CSNK1G1: variants seen among roughly 807,000 people sequenced by gnomAD.
CSNK1G1 encodes the protein casein kinase 1 gamma 1, also known as casein kinase I isoform gamma-1.
Under a neutral mutation model 59.6 loss-of-function variants are expected in CSNK1G1, and 22 were observed. That is an observed-to-expected ratio of 0.37 (90% CI 0.26 to 0.53). CSNK1G1 has a LOEUF of 0.53. Among genes scored for constraint, CSNK1G1 ranks in the 20% least tolerant of loss-of-function variants. The pLI, the probability that CSNK1G1 is intolerant of heterozygous loss-of-function variation, is 0.89. For synonymous variants in CSNK1G1, 179 were observed against 177.1 expected (o/e 1.01, Z -0.08); for missense variants, 384 against 519.5 (o/e 0.74, Z 2.54).
In CSNK1G1 at chr15:64,315,555, T is replaced by C. The variant is rs899078169; in HGVS notation, c.-224-14832A>G. 10 of 152,356 alleles carry C rather than the reference T, an allele frequency of 6.6e-5. No homozygotes were observed. In the East Asian group the frequency reaches 1.7e-3, roughly 26 times the overall value. The allele number at this position is 152,356 out of a possible 1,614,324, so 9.4% of individuals were successfully genotyped here. A position where few individuals can be genotyped will look rare whatever the true frequency, so the allele number is the denominator to read the frequency against. On this transcript the variant is annotated intron_variant, in intron 1 of 11. Transcript: ENST00000303052. ...TTACTTGCCTTAGTAAAGGCAATTA[T>C]TCCTTTTCAAAAAGGACGCTGAGCC...
chr15:64,229,418 GAA>G (rs1405530754), intron 4 of CSNK1G1, among the ~76,000 whole-genome samples: 1 of 152,194 alleles, frequency 6.6e-6, no homozygotes, highest in Non-Finnish European at 1.5e-5. Context: ...GCCTGCCTGG[GAA>G]AACTGGCTCA....
At chr15:64,314,205 C>T (rs1236955967) in intron 1 of CSNK1G1, among the ~76,000 whole-genome samples, 1 of 152,144 alleles carries the variant, frequency 6.6e-6, no homozygotes. Context: ...CAGCCTTGAA[C>T]ACATGGGTTC....
chr15:64,251,803 A>G (rs1892100631), intron 3 of CSNK1G1, among the ~76,000 whole-genome samples: 1 of 152,220 alleles, frequency 6.6e-6, no homozygotes, highest in South Asian at 2.1e-4. Context: ...ATAAAAATAG[A>G]CTTTGCATGA....
chr15:64,167,982 G>A lies in CSNK1G1; in HGVS notation c.*3949C>T, dbSNP rs766177340. On this transcript the variant is annotated 3_prime_UTR_variant, in exon 12 of 12. Transcript: ENST00000303052. The stretch of plus-strand genomic sequence containing the variant: ...TTTCTGGCATTAAAAGTGGTTACTA[G>A]CACTGAAAATCAACACTGAATATGC... The A allele has an allele frequency of 6.6e-6, 1 of 152,224 alleles. No homozygotes were observed. Among genetic ancestry groups the A allele is most frequent in the Non-Finnish European group, 1.5e-5 (1 of 68,042 alleles). The allele number at this position is 152,224 out of a possible 1,614,324, so 9.4% of individuals were successfully genotyped here.
intron 4 of CSNK1G1, among the ~76,000 whole-genome samples, chr15:64,219,125 G>A (rs1278353801): frequency 1.3e-5 from 2 of 152,158 alleles, no homozygotes; most frequent in African/African-American, 2.4e-5. Flanking sequence ...GAAGTGCTGG[G>A]ATTACAGGCG....
At chr15:64,294,286 C>T (rs1333439666) in intron 2 of CSNK1G1, among the ~76,000 whole-genome samples, 2 of 152,072 alleles carry the variant, frequency 1.3e-5, no homozygotes, top group Non-Finnish European at 2.9e-5. Flanking sequence ...GTTGGCCAGG[C>T]TGGTCTCAAA....
At chr15:64,296,975 G>A (rs916030928) in intron 2 of CSNK1G1, among the ~76,000 whole-genome samples, 2 of 120,644 alleles carry the variant, frequency 1.7e-5, no homozygotes, top group South Asian at 2.6e-4. Flanking sequence ...GTTTGGAACC[G>A]ATAGGTCTAC....
rs1250495833 is a variant in CSNK1G1, at chr15:64,204,261, A to AAC, written c.999+178_999+179dup. Reference sequence around the variant, plus strand: ...TAGGAAAAAATACTTCCTACTTCTGAACTAGTAAGAGCAACCTATGGCAAC... The same window carrying AAC: ...TAGGAAAAAATACTTCCTACTTCTGAACACTAGTAAGAGCAACCTATGGCAAC... On this transcript the variant is annotated intron_variant, in intron 9 of 11. Coordinates refer to ENST00000303052, the MANE Select transcript of CSNK1G1 (RefSeq NM_022048.5). Among the ~76,000 whole-genome samples the AAC allele has an allele frequency of 5.9e-5, 9 of 152,000 alleles. 1 individual carries two copies. The highest frequency in any genetic ancestry group is 1.9e-4 in the African/African-American group (8 of 41,468).
intron 10 of CSNK1G1, among the ~76,000 whole-genome samples, chr15:64,189,166 C>T (rs1199156959): frequency 6.6e-6 from 1 of 152,020 alleles, no homozygotes; most frequent in African/African-American, 2.4e-5. Flanking sequence ...ATAGCTACAT[C>T]GTTTGCCTGG....
intron 3 of CSNK1G1, among the ~76,000 whole-genome samples, chr15:64,255,794 G>A (rs896035154): frequency 1.3e-5 from 2 of 152,094 alleles, no homozygotes; most frequent in Non-Finnish European, 2.9e-5. Context: ...AAGTTTCTCC[G>A]AAGTTGTCTA....
intron 1 of CSNK1G1, among the ~76,000 whole-genome samples, chr15:64,301,885 T>C (rs1412613845): frequency 6.7e-6 from 1 of 149,342 alleles, no homozygotes; most frequent in Non-Finnish European, 1.5e-5. Context: ...AGACTCCGTC[T>C]CAAAAAAAAA....
intron 4 of CSNK1G1, among the ~76,000 whole-genome samples, chr15:64,226,167 C>T (rs1317123975): frequency 6.6e-5 from 10 of 152,310 alleles, no homozygotes; most frequent in Admixed American, 2.6e-4. Context: ...GTGCTGGGCA[C>T]GTAAGCCACT....
intron 10 of CSNK1G1, among the ~76,000 whole-genome samples, chr15:64,190,873 T>G (rs191872813): frequency 2.8e-3 from 432 of 152,312 alleles, no homozygotes; most frequent in Non-Finnish European, 5.4e-3. Context: ...TCTAGAACTT[T>G]TTATTTTTTG....
intron 6 of CSNK1G1, among the ~76,000 whole-genome samples, chr15:64,208,962 C>T (rs749041813): frequency 6.6e-6 from 1 of 151,586 alleles, no homozygotes; most frequent in East Asian, 1.9e-4. Context: ...TTCTTGGACA[C>T]TGCAGCCTCG....
chr15:64,350,014 G>A (rs921816611), intron 1 of CSNK1G1, among the ~76,000 whole-genome samples: 1 of 151,922 alleles, frequency 6.6e-6, no homozygotes, highest in Non-Finnish European at 1.5e-5. Context: ...TGGCACAGAG[G>A]GTAAGATAAA....
chr15:64,311,912 A>G (rs1235881022), intron 1 of CSNK1G1, among the ~76,000 whole-genome samples: 2 of 152,176 alleles, frequency 1.3e-5, no homozygotes, highest in Non-Finnish European at 2.9e-5. Context: ...CAACTTCAGC[A>G]AAGTCTCAGG....
At chr15:64,271,952 T>C (rs759540213) in intron 2 of CSNK1G1, among the ~76,000 whole-genome samples, 2 of 152,322 alleles carry the variant, frequency 1.3e-5, no homozygotes, top group Non-Finnish European at 2.9e-5. Flanking sequence ...GGTGCATATA[T>C]ACTTAGGATA....
intron 4 of CSNK1G1, among the ~76,000 whole-genome samples, chr15:64,238,152 C>T (rs1184561408): frequency 6.6e-6 from 1 of 152,024 alleles, no homozygotes; most frequent in Non-Finnish European, 1.5e-5. Flanking sequence ...AATTTCCAAT[C>T]TTTGCCCCAG....
chr15:64,309,543 C>T (rs560256374), intron 1 of CSNK1G1, among the ~76,000 whole-genome samples: 2 of 152,184 alleles, frequency 1.3e-5, no homozygotes, highest in African/African-American at 4.8e-5. Context: ...CAACCTTCAC[C>T]GAGCTACTAG....
Sources: allele counts gnomAD v4.1 joint callset (sites outside exome capture counted in the v4.1 genomes callset), GRCh38; gene constraint gnomAD v4.1.1; transcripts MANE v1.5; gene names NCBI Gene and HGNC (gene_info 2026-07-23, HGNC 2026-07-21).